EDNRA: variants seen among roughly 807,000 people sequenced by gnomAD.
EDNRA encodes endothelin receptor type A, also known as endothelin-1 receptor.
In EDNRA, 11 loss-of-function variants were observed where a neutral mutation model predicts 41.4. The observed-to-expected ratio is 0.27, with a 90% CI of 0.17 to 0.44. The LOEUF (loss-of-function observed/expected upper bound fraction) is 0.44, where lower values mean the gene tolerates loss of function less well. Among genes scored for constraint, EDNRA ranks in the 20% least tolerant of loss-of-function variants. The pLI is 1.00. For synonymous variants in EDNRA, 172 were observed against 183.0 expected (o/e 0.94, Z 0.49); for missense variants, 294 against 531.0 (o/e 0.55, Z 4.39).
intron 2 of EDNRA, among the ~76,000 whole-genome samples, chr4:147,487,164 T>G (rs1728976675): frequency 1.3e-5 from 2 of 152,126 alleles, no homozygotes; most frequent in African/African-American, 4.8e-5. Flanking sequence ...ACCAAGCCAT[T>G]CATGGGAGAT....
At chr4:147,510,512 T>C (rs553758927) in intron 2 of EDNRA, among the ~76,000 whole-genome samples, 4 of 152,320 alleles carry the variant, frequency 2.6e-5, no homozygotes, top group African/African-American at 7.2e-5. Flanking sequence ...TTCAAGTAGC[T>C]TTAATTTTAC....
At chr4:147,537,981 G>T (rs550441631) in intron 5 of EDNRA, among the ~76,000 whole-genome samples, 2 of 152,184 alleles carry the variant, frequency 1.3e-5, no homozygotes, top group East Asian at 3.9e-4. Flanking sequence ...CTTCTTGCTT[G>T]GTTGTCTCTA....
chr4:147,537,895 T>G (rs975908463), intron 5 of EDNRA, among the ~76,000 whole-genome samples: 8 of 127,030 alleles, frequency 6.3e-5, no homozygotes, highest in African/African-American at 1.0e-4. Flanking sequence ...GTCCTGCAGA[T>G]GGGACTGCGG....
rs1353393047 is a variant in EDNRA, at chr4:147,532,518, T to A, written c.561T>A (p.Val187=). The A allele has an allele frequency of 6.2e-7, 1 of 1,614,068 alleles. No homozygotes were observed. The highest frequency in any genetic ancestry group is 1.3e-5 in the African/African-American group (1 of 75,022). Residue 187 remains valine, a synonymous_variant, in exon 4 of 8, where the codon GTT becomes GTA. Coordinates refer to ENST00000651419, the MANE Select transcript of EDNRA (RefSeq NM_001957.4). ...CALSVDRYRA[V]ASWSRVQGIG... is the part of the protein sequence containing the mutation. Reference sequence around the variant, plus strand: ...CCCTTTTTTTCAGGTACAGAGCAGTTGCCTCCTGGAGTCGTGTTCAGGGAA... The same window carrying A: ...CCCTTTTTTTCAGGTACAGAGCAGTAGCCTCCTGGAGTCGTGTTCAGGGAA...
chr4:147,495,238 T>A (rs1012411574), intron 2 of EDNRA: 1 of 152,182 alleles, frequency 6.6e-6, no homozygotes, highest in Non-Finnish European at 1.5e-5. Context: ...CCAGAGGCTG[T>A]GCTGTTAGCC....
chr4:147,532,812 C>A, intron 4 of EDNRA, 108 bp downstream of exon 4: 2 of 1,154,990 alleles, frequency 1.7e-6, no homozygotes, highest in Non-Finnish European at 2.5e-6. Context: ...GTGGTTTCTT[C>A]TGTCAAATAT....
chr4:147,511,296 A>C (rs746176439), intron 2 of EDNRA, among the ~76,000 whole-genome samples: 54 of 152,202 alleles, frequency 3.5e-4, no homozygotes, highest in Admixed American at 1.4e-3. Context: ...TTAATGCCTC[A>C]ATTATGAGTA....
chr4:147,542,184 G>A (rs750760295), intron 7 of EDNRA, among the ~76,000 whole-genome samples: 116 of 152,216 alleles, frequency 7.6e-4, no homozygotes, highest in African/African-American at 1.5e-3. Context: ...AGCCCTACCC[G>A]TGCCTGCCCC....
intron 2 of EDNRA, chr4:147,494,232 A>T (rs914733289): frequency 6.6e-6 from 1 of 152,252 alleles, no homozygotes; most frequent in African/African-American, 2.4e-5. Flanking sequence ...AAATAGCAGC[A>T]AACAAAACAG....
intron 2 of EDNRA, among the ~76,000 whole-genome samples, chr4:147,496,726 A>G (rs1471409832): frequency 1.3e-5 from 2 of 152,130 alleles, no homozygotes; most frequent in African/African-American, 2.4e-5. Flanking sequence ...ACTCAACATT[A>G]TGTTTGTGAG....
chr4:147,492,249 A>G (rs1394013517), intron 2 of EDNRA: 1 of 152,220 alleles, frequency 6.6e-6, no homozygotes, highest in Non-Finnish European at 1.5e-5. Flanking sequence ...CATCATTCTC[A>G]TTTATCACTG....
intron 5 of EDNRA, among the ~76,000 whole-genome samples, chr4:147,537,534 G>A (rs1730957400): frequency 6.6e-6 from 1 of 152,108 alleles, no homozygotes; most frequent in African/African-American, 2.4e-5. Context: ...TTTAAGCTAT[G>A]AGTGGTATTT....
intron 2 of EDNRA, among the ~76,000 whole-genome samples, chr4:147,499,797 CTTTTTTTTT>C (rs58464606): frequency 2.3e-5 from 2 of 85,350 alleles, no homozygotes; most frequent in Admixed American, 1.6e-4. Context: ...CTCTAAAAGT[CTTTTTTTTT>C]TTTTTTTTTT....
At chr4:147,501,619 TC>T (rs879315565) in intron 2 of EDNRA, among the ~76,000 whole-genome samples, 2 of 152,194 alleles carry the variant, frequency 1.3e-5, no homozygotes, top group Admixed American at 1.3e-4. Context: ...TTCTGTTCTC[TC>T]CCCTGTTTAT....
At position 147,543,990 on chromosome 4, in the gene EDNRA, G is replaced by A. The variant is rs934384358; in HGVS notation, c.*1372G>A. 1.3e-5 allele frequency: 2 copies of A among 152,402 alleles called. No homozygotes were observed. The highest frequency in any genetic ancestry group is 4.8e-5 in the African/African-American group (2 of 41,372). The allele number at this position is 152,402 out of a possible 1,614,324, so 9.4% of individuals were successfully genotyped here. On this transcript the variant is annotated 3_prime_UTR_variant, in exon 8 of 8. Transcript: ENST00000651419. Reference sequence around the variant, plus strand: ...AGCAGAAAATCTTTTACTAGTGTGTGTGTGTATATATATAAACAATTGTAA... The same window carrying A: ...AGCAGAAAATCTTTTACTAGTGTGTATGTGTATATATATAAACAATTGTAA...
intron 2 of EDNRA, among the ~76,000 whole-genome samples, chr4:147,515,046 T>C (rs1165079929): frequency 6.6e-6 from 1 of 152,216 alleles, no homozygotes; most frequent in African/African-American, 2.4e-5. Context: ...CTGCAGCTGC[T>C]AAGTCTTGGG....
At chr4:147,500,340 C>T (rs1020024060) in intron 2 of EDNRA, among the ~76,000 whole-genome samples, 1 of 152,094 alleles carries the variant, frequency 6.6e-6, no homozygotes, top group Non-Finnish European at 1.5e-5. Context: ...TCTCATGTTC[C>T]ATTTTTTAAC....
At chr4:147,515,066 T>C (rs923688467) in intron 2 of EDNRA, among the ~76,000 whole-genome samples, 23 of 152,302 alleles carry the variant, frequency 1.5e-4, no homozygotes, top group Admixed American at 5.2e-4. Flanking sequence ...GAGCTGCTGC[T>C]CCACAGCAAC....
At chr4:147,502,605 C>T (rs1729554030) in intron 2 of EDNRA, among the ~76,000 whole-genome samples, 1 of 137,878 alleles carries the variant, frequency 7.3e-6, no homozygotes, top group African/African-American at 3.0e-5. Context: ...ATTGAAGTAG[C>T]TAAGTTCCAT....
Sources: allele counts gnomAD v4.1 joint callset (sites outside exome capture counted in the v4.1 genomes callset), GRCh38; gene constraint gnomAD v4.1.1; transcripts MANE v1.5; gene names NCBI Gene and HGNC (gene_info 2026-07-23, HGNC 2026-07-21).